Variants in CHL1 observed in about 807,000 individuals in gnomAD.
CHL1 encodes the protein cell adhesion molecule L1 like.
Under a neutral mutation model 141.9 loss-of-function variants are expected in CHL1, and 96 were observed. The ratio of observed to expected loss-of-function variants is 0.68; its 90% CI spans 0.57 to 0.80. CHL1 has a LOEUF of 0.80. Among genes scored for constraint, CHL1 ranks in the 30% least tolerant of loss-of-function variants. CHL1 has a pLI of 0.00. For missense variants in CHL1, 1,820 were observed against 1,457.2 expected (o/e 1.25, Z -4.05); for synonymous variants, 613 against 502.2 (o/e 1.22, Z -2.95).
In CHL1 at chr3:398,244, A is replaced by G; in HGVS notation, c.3112A>G (p.Ile1038Val). 15 of 1,601,434 alleles carry G rather than the reference A, an allele frequency of 9.4e-6. No individual in the cohort carries two copies. The highest frequency in any genetic ancestry group is 1.3e-5 in the Non-Finnish European group (15 of 1,170,716). Residue 1038 changes from isoleucine to valine, a missense_variant, in exon 25 of 28, where the codon ATA becomes GTA. Coordinates refer to ENST00000256509, the MANE Select transcript of CHL1 (RefSeq NM_006614.4). ...LGEGSKGIGK[I>V]SGVNLTQKTH... The stretch of plus-strand genomic sequence containing the variant: ...TTTCTTAGGTAAAGGTATCGGGAAG[A>G]TATCAGGAGTAAATCTTACTCAAAA...
intron 18 of CHL1, 26 bp from the exon 19 acceptor site, chr3:383,790 T>C (rs1707344724): frequency 3.2e-6 from 5 of 1,572,436 alleles, no homozygotes; most frequent in Non-Finnish European, 4.4e-6. Flanking sequence ...AAAGGAAAAA[T>C]AATGTTAATG....
intron 2 of CHL1, among the ~76,000 whole-genome samples, chr3:265,977 A>G (rs910120043): frequency 6.6e-6 from 1 of 152,210 alleles, no homozygotes; most frequent in African/African-American, 2.4e-5. Flanking sequence ...CTTTGAAGCC[A>G]GTGGTGGTTC....
At chr3:345,473 T>C (rs893932370) in intron 9 of CHL1, among the ~76,000 whole-genome samples, 15 of 151,770 alleles carry the variant, frequency 9.9e-5, no homozygotes, top group Admixed American at 5.3e-4. Context: ...TTTAATTATT[T>C]ATTCATTTAT....
Position 262,837 on chromosome 3 carries a change from C to A in CHL1, c.-95+18145C>A, listed in dbSNP as rs539037246. 2.6e-5 allele frequency among the ~76,000 whole-genome samples: 4 copies of A among 152,288 alleles called. No individual in the cohort carries two copies. The South Asian group carries it at 8.3e-4, about 32-fold the overall frequency. The stretch of plus-strand genomic sequence containing the variant: ...TTTAAGACATGGGAGTTCATTCAAG[C>A]CTTCAAAGACATCACTGTGCAAACT... On this transcript the variant is annotated intron_variant, in intron 2 of 27. Coordinates refer to ENST00000256509, the MANE Select transcript of CHL1 (RefSeq NM_006614.4).
At chr3:349,309 T>G in intron 9 of CHL1, 50 bp from the exon 10 acceptor site, 1 of 1,487,858 alleles carries the variant, frequency 6.7e-7, no homozygotes, top group Admixed American at 2.0e-5. Context: ...TCTTTGTATT[T>G]TACTTTCCGC....
At chr3:315,945 C>T (rs576275730) in intron 2 of CHL1, among the ~76,000 whole-genome samples, 1 of 152,126 alleles carries the variant, frequency 6.6e-6, no homozygotes, top group South Asian at 2.1e-4. Context: ...AAAGGCTGGC[C>T]TGCTGCGGAT....
chr3:219,207 G>GA (rs1700604709), intron 1 of CHL1, among the ~76,000 whole-genome samples: 1 of 151,968 alleles, frequency 6.6e-6, no homozygotes, highest in Non-Finnish European at 1.5e-5. Flanking sequence ...AAAAGGAAGA[G>GA]AAAGTACACT....
At chr3:266,040 C>G (rs1022281831) in intron 2 of CHL1, among the ~76,000 whole-genome samples, 14 of 152,164 alleles carry the variant, frequency 9.2e-5, no homozygotes, top group African/African-American at 2.7e-4. Context: ...GGGGGCAGCT[C>G]TCAGAAGATT....
chr3:383,364 T>G lies in CHL1; in HGVS notation c.2177-452T>G, dbSNP rs75856055. ...ACTGTACAGGTTTTATTCATTTTGA[T>G]GTCCTTAAAACTTGGCTGCTGATAT... On this transcript the variant is annotated intron_variant, in intron 18 of 27. Transcript: ENST00000256509. Among the ~76,000 whole-genome samples, 581 of 152,332 alleles carry G rather than the reference T, an allele frequency of 3.8e-3. 2 individuals carry two copies. The highest frequency in any genetic ancestry group is 7.0e-3 in the Admixed American group (107 of 15,300).
At chr3:215,451 C>T (rs67985544) in intron 1 of CHL1, among the ~76,000 whole-genome samples, 14,990 of 152,172 alleles carry the variant, frequency 0.099, 816 homozygotes, top group African/African-American at 0.15. Flanking sequence ...CATAAAATTA[C>T]AATTAGACAG....
intron 3 of CHL1, among the ~76,000 whole-genome samples, chr3:320,570 C>T (rs1014029789): frequency 2.6e-5 from 4 of 151,818 alleles, no homozygotes; most frequent in African/African-American, 9.7e-5. Flanking sequence ...GACTGTAGTC[C>T]CACCTATTTA....
At chr3:320,610 C>T (rs62227231) in intron 3 of CHL1, among the ~76,000 whole-genome samples, 20,799 of 151,756 alleles carry the variant, frequency 0.14, 1,690 homozygotes, top group African/African-American at 0.21. Context: ...TTGCCTGAGC[C>T]CAGGAGTTCA....
At chr3:314,331 A>C (rs540503511) in intron 2 of CHL1, among the ~76,000 whole-genome samples, 3 of 28,836 alleles carry the variant, frequency 1.0e-4, no homozygotes, top group African/African-American at 3.6e-4. Flanking sequence ...CTCTATGTGT[A>C]TATATATATA....
chr3:409,245 A>T lies in CHL1; in HGVS notation c.*3534A>T, dbSNP rs1424701474. 1 of 152,078 alleles carries T rather than the reference A, an allele frequency of 6.6e-6. No homozygotes were observed. Among genetic ancestry groups the T allele is most frequent in the Non-Finnish European group, 1.5e-5 (1 of 67,988 alleles). 9.4% of individuals were successfully genotyped at this position (152,078 alleles called of 1,614,324 possible). On this transcript the variant is annotated 3_prime_UTR_variant, in exon 28 of 28. Transcript: ENST00000256509. ...AAGGTATGTAGAACAGGTTCACGTG[A>T]TTACCTTTTTCTTTTGGCTTGGATT...
At chr3:290,164 T>C (rs950240034) in intron 2 of CHL1, among the ~76,000 whole-genome samples, 4 of 151,940 alleles carry the variant, frequency 2.6e-5, no homozygotes, top group Non-Finnish European at 5.9e-5. Context: ...AGCAGAATCA[T>C]AAACAAAAAA....
At chr3:394,666 A>G in intron 23 of CHL1, 27 bp from the exon 24 acceptor site, 1 of 1,516,212 alleles carries the variant, frequency 6.6e-7, no homozygotes, top group Non-Finnish European at 9.1e-7. Flanking sequence ...AATACATTTG[A>G]GCTGTTGTTC....
chr3:381,953 C>T (rs953614403), intron 16 of CHL1, among the ~76,000 whole-genome samples: 2 of 150,268 alleles, frequency 1.3e-5, no homozygotes, highest in African/African-American at 4.9e-5. Flanking sequence ...CTATTACCTC[C>T]GTTCTTATCA....
At chr3:358,326 C>A (rs1225788778) in intron 11 of CHL1, among the ~76,000 whole-genome samples, 1 of 152,112 alleles carries the variant, frequency 6.6e-6, no homozygotes. Context: ...GTCACATTTC[C>A]CTCTGACCAT....
rs188399103 is a variant in CHL1 at position 361,678 on chromosome 3, G to A, written c.1307-21G>A. ...TTCTTCCACAAAAGTTTAAAACTGCGTTTATGTTATTTTCAAATAGATGTC... is the reference window on the plus strand; with the variant it reads ...TTCTTCCACAAAAGTTTAAAACTGCATTTATGTTATTTTCAAATAGATGTC... On this transcript the variant is annotated intron_variant, in intron 12 of 27. Coordinates refer to ENST00000256509, the MANE Select transcript of CHL1 (RefSeq NM_006614.4). The A allele has an allele frequency of 5.1e-3, 7,842 of 1,549,376 alleles. 26 individuals are homozygous for A. Among genetic ancestry groups the A allele is most frequent in the Non-Finnish European group, 5.9e-3 (6,647 of 1,121,790 alleles).
Sources: allele counts gnomAD v4.1 joint callset (sites outside exome capture counted in the v4.1 genomes callset), GRCh38; gene constraint gnomAD v4.1.1; transcripts MANE v1.5; gene names NCBI Gene and HGNC (gene_info 2026-07-23, HGNC 2026-07-21).